MARCHF10: variants seen among roughly 807,000 people sequenced by gnomAD.
The protein encoded by MARCHF10 is probable E3 ubiquitin-protein ligase MARCHF10.
In MARCHF10, 64 loss-of-function variants were observed where a neutral mutation model predicts 76.2. The ratio of observed to expected loss-of-function variants is 0.84; its 90% CI spans 0.69 to 1.03. The LOEUF (loss-of-function observed/expected upper bound fraction) is 1.03, where lower values mean the gene tolerates loss of function less well. MARCHF10 is among the 50% of genes least tolerant of loss of function. MARCHF10 has a pLI of 0.00. For missense variants in MARCHF10, 875 were observed against 958.0 expected (o/e 0.91, Z 1.14); for synonymous variants, 340 against 357.5 (o/e 0.95, Z 0.55).
At chr17:62,702,546 A>C (rs1375077665) in intron 10 of MARCHF10, among the ~76,000 whole-genome samples, 1 of 152,002 alleles carries the variant, frequency 6.6e-6, no homozygotes, top group Non-Finnish European at 1.5e-5. Flanking sequence ...GGTGTCTGTA[A>C]TCCCAGCTGC....
At chr17:62,726,773 C>T (rs1274935672) in intron 6 of MARCHF10, among the ~76,000 whole-genome samples, 4 of 152,108 alleles carry the variant, frequency 2.6e-5, no homozygotes, top group South Asian at 4.2e-4. Flanking sequence ...GGATTATAGG[C>T]GTGCACCACC....
intron 4 of MARCHF10, among the ~76,000 whole-genome samples, chr17:62,751,502 G>A (rs8073203): frequency 0.52 from 79,121 of 152,034 alleles, 21,600 homozygotes; most frequent in East Asian, 0.71. Context: ...TGAGACAGCT[G>A]CCCAAACCCT....
intron 4 of MARCHF10, chr17:62,747,058 A>T (rs1006910000): frequency 3.9e-6 from 4 of 1,029,248 alleles, no homozygotes; most frequent in Admixed American, 4.1e-5. Context: ...CTTAATGAGT[A>T]TGTCTTTTCT....
At position 62,712,813 on chromosome 17, in the gene MARCHF10, C is replaced by T. The variant is rs1009978726; in HGVS notation, c.2215-1469G>A. On this transcript the variant is annotated intron_variant, in intron 8 of 10. Coordinates refer to ENST00000311269, the MANE Select transcript of MARCHF10 (RefSeq NM_152598.4). The surrounding 1 kb of genome is among the most constrained non-coding windows in gnomAD (Gnocchi z 4.2). The stretch of plus-strand genomic sequence containing the variant: ...AGGCTGGAGTGCAATGGCGTGATCT[C>T]GGCTCACTGCAACCTCCACCTCCCA... 1.4e-4 allele frequency among the ~76,000 whole-genome samples: 21 copies of T among 152,220 alleles called. No homozygotes were observed. The highest frequency in any genetic ancestry group is 6.2e-4 in the South Asian group (3 of 4,826).
chr17:62,777,953 G>C (rs2092584365), intron 3 of MARCHF10, among the ~76,000 whole-genome samples: 1 of 152,070 alleles, frequency 6.6e-6, no homozygotes, highest in Non-Finnish European at 1.5e-5. Context: ...CCAAGGCTGG[G>C]GCTCACCTGC....
intron 1 of MARCHF10, among the ~76,000 whole-genome samples, chr17:62,804,417 T>G (rs1201052982): frequency 1.3e-5 from 2 of 151,662 alleles, no homozygotes; most frequent in African/African-American, 2.4e-5. Context: ...CACGAATATT[T>G]AGAGAACAAG....
intron 3 of MARCHF10, among the ~76,000 whole-genome samples, chr17:62,778,409 T>A (rs2092593101): frequency 6.6e-6 from 1 of 152,156 alleles, no homozygotes; most frequent in Admixed American, 6.5e-5. Context: ...TATAGCAGCC[T>A]GGAAGACTGC....
At chr17:62,794,648 C>T (rs1394979901) in intron 2 of MARCHF10, among the ~76,000 whole-genome samples, 1 of 152,180 alleles carries the variant, frequency 6.6e-6, no homozygotes, top group Non-Finnish European at 1.5e-5. Flanking sequence ...CTGATCCCTC[C>T]AGTCATCATG....
At chr17:62,797,122 A>C (rs1484558134) in intron 2 of MARCHF10, among the ~76,000 whole-genome samples, 1 of 152,260 alleles carries the variant, frequency 6.6e-6, no homozygotes, top group African/African-American at 2.4e-5. Flanking sequence ...AATATTCTAA[A>C]GTTATGATAG....
At chr17:62,745,137 CTTG>C (rs2091659726) in intron 4 of MARCHF10, among the ~76,000 whole-genome samples, 1 of 146,050 alleles carries the variant, frequency 6.8e-6, no homozygotes, top group African/African-American at 2.5e-5. Context: ...GAGTCTTGCT[CTTG>C]TTGCCTAGAG....
rs16946347 is a variant in MARCHF10 at position 62,728,425 on chromosome 17, C to T, written c.1938-3321G>A. On this transcript the variant is annotated intron_variant, in intron 6 of 10. Coordinates refer to ENST00000311269, the MANE Select transcript of MARCHF10 (RefSeq NM_152598.4). ...CAGAGGAGAAAAAGCACACAATTGC[C>T]GGGGACAGCGTGCTGGCCACCTCTC... 0.029 allele frequency among the ~76,000 whole-genome samples: 4,368 copies of T among 152,188 alleles called. 454 individuals carry two copies. The East Asian group carries it at 0.36, about 13-fold the overall frequency.
intron 2 of MARCHF10, among the ~76,000 whole-genome samples, chr17:62,793,645 C>T (rs528119734): frequency 2.0e-5 from 3 of 150,208 alleles, no homozygotes; most frequent in Admixed American, 6.6e-5. Flanking sequence ...CATCAACCAC[C>T]ACCATCACAC....
At chr17:62,780,795 G>C (rs2092644331) in intron 3 of MARCHF10, 1 of 152,172 alleles carries the variant, frequency 6.6e-6, no homozygotes, top group Non-Finnish European at 1.5e-5. Context: ...CAGGATCTTG[G>C]AAAGATGAGA....
Position 62,793,763 on chromosome 17 carries a change from C to T in MARCHF10, c.91-5164G>A, listed in dbSNP as rs2092931440. On this transcript the variant is annotated intron_variant, in intron 2 of 10. Transcript: ENST00000311269. ...CATCAACCACCACCACCTCCATCAC[C>T]ACCACCACCTCCATCAGCACCACAA... is the stretch of plus-strand genomic sequence containing the variant. Among the ~76,000 whole-genome samples the T allele has an allele frequency of 2.0e-5, 3 of 151,114 alleles. No individual in the cohort carries two copies. The South Asian group carries it at 6.4e-4, about 32-fold the overall frequency.
At chr17:62,722,119 C>T (rs2090516263) in intron 8 of MARCHF10, among the ~76,000 whole-genome samples, 1 of 151,960 alleles carries the variant, frequency 6.6e-6, no homozygotes, top group South Asian at 2.1e-4. Flanking sequence ...CCCATCTCTA[C>T]TAAAAATACA....
chr17:62,773,066 G>T (rs979824077), intron 3 of MARCHF10, among the ~76,000 whole-genome samples: 7 of 152,232 alleles, frequency 4.6e-5, no homozygotes, highest in African/African-American at 1.7e-4. Flanking sequence ...TCACCATGCG[G>T]CCAAAGAGGT....
intron 4 of MARCHF10, among the ~76,000 whole-genome samples, chr17:62,753,910 A>C (rs1347878229): frequency 6.6e-6 from 1 of 152,166 alleles, no homozygotes; most frequent in Non-Finnish European, 1.5e-5. Flanking sequence ...GTGCTGAATG[A>C]ATGAGCAGTG....
Position 62,788,580 on chromosome 17 carries a change from T to C in MARCHF10, c.110A>G (p.Glu37Gly). Residue 37 changes from glutamate (E) to glycine (G), a missense_variant, in exon 3 of 11, where the codon GAA becomes GGA. Coordinates refer to ENST00000311269, the MANE Select transcript of MARCHF10 (RefSeq NM_152598.4). ...SEYQACLRRQ[E>G]YRRDPNEKKR... ...CTTCTCATTTGGGTCTCTTCTATAT[T>C]CCTGTCGTCTCAGACAAGCCTGAAG... 6.2e-7 allele frequency: 1 copy of C among 1,614,140 alleles called. No individual in the cohort carries two copies. The highest frequency in any genetic ancestry group is 8.5e-7 in the Non-Finnish European group (1 of 1,180,028).
rs527901618 is a variant in MARCHF10, at chr17:62,738,107, G to C, written c.536-775C>G. ...ACACACACACACACACACAACTTAAGCCTCACAACCCTGTGAAATAGGTAA... is the reference window on the plus strand; with the variant it reads ...ACACACACACACACACACAACTTAACCCTCACAACCCTGTGAAATAGGTAA... On this transcript the variant is annotated intron_variant, in intron 5 of 10. Transcript: ENST00000311269. This position sits in a 1 kb window ranked among gnomAD's most constrained non-coding sequence, Gnocchi z 4.0. Among the ~76,000 whole-genome samples the C allele has an allele frequency of 3.7e-4, 27 of 73,210 alleles. No individual in the cohort carries two copies. Among genetic ancestry groups the C allele is most frequent in the African/African-American group, 1.5e-3 (25 of 16,230 alleles). 48.0% of individuals were successfully genotyped at this position (73,210 alleles called of 152,430 possible).
Sources: gnomAD v4.1 joint callset for allele counts (sites outside exome capture counted in the v4.1 genomes callset) on GRCh38, gnomAD v4.1.1 for gene constraint, Gnocchi (gnomAD v3.1) non-coding constraint, MANE v1.5 for transcripts, NCBI Gene and HGNC (gene_info 2026-07-23, HGNC 2026-07-21) for gene names.